Variants in RAPGEF1 observed in about 807,000 individuals in gnomAD.
RAPGEF1 encodes Rap guanine nucleotide exchange factor 1.
A neutral mutation model predicts 143.3 loss-of-function variants in RAPGEF1; 33 were observed. That is an observed-to-expected ratio of 0.23 (90% CI 0.17 to 0.31). The LOEUF is 0.31. Among genes scored for constraint, RAPGEF1 ranks in the 10% least tolerant of loss-of-function variants. RAPGEF1 has a pLI of 1.00. For synonymous variants in RAPGEF1, 629 were observed against 676.5 expected, an observed-to-expected ratio of 0.93 and a Z score of 1.09; for missense variants, 1,199 against 1,645.4, an observed-to-expected ratio of 0.73 and a Z score of 4.69.
intron 12 of RAPGEF1, among the ~76,000 whole-genome samples, chr9:131,612,601 G>T (rs1031721523): frequency 2.0e-5 from 3 of 152,162 alleles, no homozygotes; most frequent in African/African-American, 7.2e-5. Flanking sequence ...CTCCAGAGCT[G>T]GGCCTTTCTC....
At chr9:131,691,345 T>C (rs191842959) in intron 1 of RAPGEF1, among the ~76,000 whole-genome samples, 14 of 152,218 alleles carry the variant, frequency 9.2e-5, no homozygotes, top group Admixed American at 2.6e-4. Flanking sequence ...AAAGGATGAG[T>C]CTCTCACCGT....
intron 19 of RAPGEF1, among the ~76,000 whole-genome samples, chr9:131,589,274 G>A (rs1254143033): frequency 2.6e-5 from 4 of 152,194 alleles, no homozygotes; most frequent in African/African-American, 4.8e-5. Flanking sequence ...AGTCCTACAC[G>A]AATCCCGCCC....
intron 1 of RAPGEF1, among the ~76,000 whole-genome samples, chr9:131,668,934 T>C (rs571682623): frequency 6.6e-6 from 1 of 152,342 alleles, no homozygotes; most frequent in Admixed American, 6.5e-5. Flanking sequence ...ACCTGCCTGT[T>C]AGGATGGCTG....
chr9:131,671,710 C>T (rs769163065), intron 1 of RAPGEF1, among the ~76,000 whole-genome samples: 5 of 152,074 alleles, frequency 3.3e-5, no homozygotes, highest in Admixed American at 6.6e-5. Flanking sequence ...GACTGGCAGA[C>T]GGTGCAGGAT....
At chr9:131,712,917 C>T (rs536365542) in intron 1 of RAPGEF1, among the ~76,000 whole-genome samples, 1 of 152,124 alleles carries the variant, frequency 6.6e-6, no homozygotes, top group East Asian at 1.9e-4. Flanking sequence ...CTCTCTAATC[C>T]CCAGCTCAGA....
In RAPGEF1 at chr9:131,579,332, C is replaced by A. The variant is rs1588131800; in HGVS notation, c.*165G>T. The A allele has an allele frequency of 7.5e-6, 7 of 933,638 alleles. No homozygotes were observed. The highest frequency in any genetic ancestry group is 1.1e-5 in the Non-Finnish European group (7 of 622,760). 57.8% of individuals were successfully genotyped at this position (933,638 alleles called of 1,614,324 possible). On this transcript the variant is annotated 3_prime_UTR_variant, in exon 27 of 27. Coordinates refer to ENST00000683357, the MANE Select transcript of RAPGEF1 (RefSeq NM_001377935.1). ...TCCCACAGAGGAAGGAGGCAGGAAGCGGCTGGCAGGCTCCAGCTCCCGCCC... is the reference window on the plus strand; with the variant it reads ...TCCCACAGAGGAAGGAGGCAGGAAGAGGCTGGCAGGCTCCAGCTCCCGCCC...
Position 131,604,930 on chromosome 9 carries a change from C to T in RAPGEF1, c.2319+1G>A. ...TGTGTGTGTGCACGCTGAGTTCTCA[C>T]CGAGTCAGTGAAAGAGGTTTCGGAA... On this transcript the variant is annotated splice_donor_variant, in intron 13 of 26. Coordinates refer to ENST00000683357, the MANE Select transcript of RAPGEF1 (RefSeq NM_001377935.1). LOFTEE classifies it high-confidence loss of function. 1 of 1,301,086 alleles carries T rather than the reference C, an allele frequency of 7.7e-7. No homozygotes were observed. Among genetic ancestry groups the T allele is most frequent in the Non-Finnish European group, 1.0e-6 (1 of 986,702 alleles). 80.6% of individuals were successfully genotyped at this position (1,301,086 alleles called of 1,614,324 possible).
At chr9:131,731,592 TAC>T (rs1837078194) in intron 1 of RAPGEF1, among the ~76,000 whole-genome samples, 1 of 152,188 alleles carries the variant, frequency 6.6e-6, no homozygotes, top group African/African-American at 2.4e-5. Context: ...TTTTTAACAA[TAC>T]AGTGTGTGGC....
At chr9:131,606,541 G>A (rs900536038) in intron 12 of RAPGEF1, among the ~76,000 whole-genome samples, 1 of 152,230 alleles carries the variant, frequency 6.6e-6, no homozygotes, top group Non-Finnish European at 1.5e-5. Context: ...AACATTCTCT[G>A]TGTTTGCTGT....
chr9:131,634,726 A>AAAG (rs912592598), intron 5 of RAPGEF1, among the ~76,000 whole-genome samples: 1 of 150,902 alleles, frequency 6.6e-6, no homozygotes. Context: ...AAAAAAAAAA[A>AAAG]AAAAAAAAAA....
At chr9:131,588,330 C>T (rs1270632902) in intron 20 of RAPGEF1, among the ~76,000 whole-genome samples, 1 of 152,204 alleles carries the variant, frequency 6.6e-6, no homozygotes, top group Admixed American at 6.5e-5. Flanking sequence ...AAGGCTCGCT[C>T]ACGGCTGGAG....
At chr9:131,686,888 A>G (rs1199855381) in intron 1 of RAPGEF1, among the ~76,000 whole-genome samples, 1 of 152,254 alleles carries the variant, frequency 6.6e-6, no homozygotes, top group Admixed American at 6.5e-5. Flanking sequence ...AAATGTAACT[A>G]CATCGTCATA....
chr9:131,737,507 AC>A (rs936774982), intron 1 of RAPGEF1: 11 of 1,612,456 alleles, frequency 6.8e-6, no homozygotes, highest in Non-Finnish European at 9.3e-6. Flanking sequence ...TTCATCTACA[AC>A]CCCCTAGCAG....
At chr9:131,646,357 G>T (rs1381044612) in intron 3 of RAPGEF1, among the ~76,000 whole-genome samples, 1 of 152,232 alleles carries the variant, frequency 6.6e-6, no homozygotes, top group Non-Finnish European at 1.5e-5. Context: ...GAAATGTGCT[G>T]AAGTTAAAAA....
chr9:131,719,325 T>G (rs530167947), intron 1 of RAPGEF1, among the ~76,000 whole-genome samples: 1 of 152,248 alleles, frequency 6.6e-6, no homozygotes, highest in East Asian at 1.9e-4. Flanking sequence ...ATCACTGTTG[T>G]TTTTCCCTCG....
intron 14 of RAPGEF1, among the ~76,000 whole-genome samples, chr9:131,603,528 T>C (rs1956616104): frequency 1.3e-5 from 2 of 151,518 alleles, no homozygotes; most frequent in Admixed American, 6.6e-5. Context: ...GTTGGAGCAA[T>C]GGGACATGCT....
Position 131,578,177 on chromosome 9 carries a change from G to C in RAPGEF1, c.*1320C>G, listed in dbSNP as rs1406330938. The stretch of plus-strand genomic sequence containing the variant: ...CGCAGCGCCCTGCCTGCAGGCTCAT[G>C]CTGGAGGCCACGGAACCAGGCGGCA... On this transcript the variant is annotated 3_prime_UTR_variant, in exon 27 of 27. Coordinates refer to ENST00000683357, the MANE Select transcript of RAPGEF1 (RefSeq NM_001377935.1). 1 of 152,358 alleles carries C rather than the reference G, an allele frequency of 6.6e-6. No individual in the cohort carries two copies. Among genetic ancestry groups the C allele is most frequent in the Non-Finnish European group, 1.5e-5 (1 of 68,132 alleles). The allele number at this position is 152,358 out of a possible 1,614,324, so 9.4% of individuals were successfully genotyped here. A position where few individuals can be genotyped will look rare whatever the true frequency, so the allele number is the denominator to read the frequency against.
chr9:131,697,289 C>G (rs897147855), intron 1 of RAPGEF1, among the ~76,000 whole-genome samples: 1 of 152,212 alleles, frequency 6.6e-6, no homozygotes, highest in East Asian at 1.9e-4. Flanking sequence ...AGCAAGGTCA[C>G]AGAGACTTGA....
chr9:131,650,826 T>C lies in RAPGEF1; in HGVS notation c.185A>G (p.Glu62Gly). The C allele has an allele frequency of 6.2e-7, 1 of 1,613,980 alleles. No individual in the cohort carries two copies. Among genetic ancestry groups the C allele is most frequent in the Non-Finnish European group, 8.5e-7 (1 of 1,179,890 alleles). Residue 62 changes from glutamate (E) to glycine (G), a missense_variant, in exon 2 of 27, where the codon GAG (glutamate) becomes GGG (glycine). Transcript: ENST00000683357. This position sits in a 1 kb window ranked among gnomAD's most constrained non-coding sequence, Gnocchi z 4.7. ...KPAEVSVKIP[E>G]KPVNKEATDR... ...TCAGCTTACTTTGTTCACAGGCTTC[T>C]CTGGAATCTTTACGGACACCTCAGC...
Sources: gnomAD v4.1 joint callset for allele counts (sites outside exome capture counted in the v4.1 genomes callset) on GRCh38, gnomAD v4.1.1 for gene constraint, Gnocchi (gnomAD v3.1) non-coding constraint, MANE v1.5 for transcripts, NCBI Gene and HGNC (gene_info 2026-07-23, HGNC 2026-07-21) for gene names.